The following SUPT3H variants were observed in gnomAD, a reference collection of about 807,000 sequenced individuals.
SUPT3H encodes the protein transcription initiation protein SPT3 homolog.
SUPT3H carries 44 observed loss-of-function variants against 44.3 expected under a neutral mutation model. That is an observed-to-expected ratio of 0.99 (90% CI 0.78 to 1.28). The LOEUF (loss-of-function observed/expected upper bound fraction) is 1.28, where lower values mean the gene tolerates loss of function less well. SUPT3H is among the 50% of genes most tolerant of loss of function. The pLI, the probability that SUPT3H is intolerant of heterozygous loss-of-function variation, is 0.00. For synonymous variants in SUPT3H, 124 were observed against 125.6 expected, an observed-to-expected ratio of 0.99 and a Z score of 0.09; for missense variants, 380 against 387.1, an observed-to-expected ratio of 0.98 and a Z score of 0.15.
intron 10 of SUPT3H, among the ~76,000 whole-genome samples, chr6:44,914,733 T>G (rs1473120232): frequency 6.6e-6 from 1 of 152,198 alleles, no homozygotes; most frequent in Non-Finnish European, 1.5e-5. Flanking sequence ...TTCTGTACAC[T>G]TGTCCATCCA....
At chr6:45,252,312 A>T (rs1772515059) in intron 2 of SUPT3H, among the ~76,000 whole-genome samples, 1 of 152,206 alleles carries the variant, frequency 6.6e-6, no homozygotes, top group African/African-American at 2.4e-5. Flanking sequence ...CTAATCCAAA[A>T]ATGAGTAATG....
intron 3 of SUPT3H, among the ~76,000 whole-genome samples, chr6:45,048,221 C>CTTTTT (rs67557043): frequency 2.7e-4 from 24 of 88,128 alleles, no homozygotes; most frequent in African/African-American, 8.7e-4. Context: ...TCTCTCTACT[C>CTTTTT]TTTTTTTTTT....
At chr6:45,249,651 AT>A (rs1772015892) in intron 2 of SUPT3H, among the ~76,000 whole-genome samples, 1 of 152,136 alleles carries the variant, frequency 6.6e-6, no homozygotes, top group Admixed American at 6.5e-5. Context: ...ACCAAAACAC[AT>A]TGTAAATTGT....
intron 2 of SUPT3H, among the ~76,000 whole-genome samples, chr6:45,285,797 G>C (rs1325593652): frequency 6.6e-6 from 1 of 152,024 alleles, no homozygotes; most frequent in Non-Finnish European, 1.5e-5. Flanking sequence ...TCAATCCTAA[G>C]CCCAAAAGAA....
intron 2 of SUPT3H, among the ~76,000 whole-genome samples, chr6:45,287,840 G>A (rs1032176879): frequency 9.2e-5 from 14 of 152,052 alleles, no homozygotes; most frequent in East Asian, 3.8e-4. Context: ...TGCAACTTCC[G>A]AACTGTAACA....
At chr6:45,167,666 G>GTTT (rs60203219) in intron 2 of SUPT3H, among the ~76,000 whole-genome samples, 2 of 145,726 alleles carry the variant, frequency 1.4e-5, no homozygotes, top group African/African-American at 2.5e-5. Context: ...GATTTTGGCT[G>GTTT]TTTTTTTTTT....
chr6:44,985,866 G>C (rs1757799528), intron 6 of SUPT3H, among the ~76,000 whole-genome samples: 1 of 152,124 alleles, frequency 6.6e-6, no homozygotes, highest in African/African-American at 2.4e-5. Context: ...ATGATCAAGA[G>C]GTAAGCAATC....
At chr6:44,929,119 C>T (rs889701798) in intron 10 of SUPT3H, among the ~76,000 whole-genome samples, 3 of 151,526 alleles carry the variant, frequency 2.0e-5, no homozygotes, top group African/African-American at 7.3e-5. Context: ...GTACTCTTCT[C>T]CTTCTTCCCC....
chr6:45,323,550 A>G (rs911566512), intron 2 of SUPT3H, among the ~76,000 whole-genome samples: 33 of 152,118 alleles, frequency 2.2e-4, no homozygotes, highest in African/African-American at 7.0e-4. Context: ...TGGACAATTC[A>G]AGTCCCACCC....
downstream of SUPT3H, among the ~76,000 whole-genome samples, chr6:44,809,153 A>G (rs1766346716): frequency 1.3e-5 from 2 of 152,222 alleles, no homozygotes; most frequent in South Asian, 4.1e-4. Context: ...TAAGGAAATC[A>G]AGTTGTTTAT....
intron 2 of SUPT3H, among the ~76,000 whole-genome samples, chr6:45,136,786 C>G (rs775209263): frequency 2.9e-4 from 44 of 152,004 alleles, no homozygotes; most frequent in Non-Finnish European, 4.6e-4. Flanking sequence ...CATACCCTCA[C>G]AGAACATAAG....
intron 3 of SUPT3H, among the ~76,000 whole-genome samples, chr6:45,059,283 A>G (rs1362158213): frequency 6.6e-6 from 1 of 152,176 alleles, no homozygotes; most frequent in Non-Finnish European, 1.5e-5. Context: ...TTGGCTCAAC[A>G]TATGCAAATC....
intron 2 of SUPT3H, among the ~76,000 whole-genome samples, chr6:45,364,302 G>C (rs1794768246): frequency 6.6e-6 from 1 of 152,050 alleles, no homozygotes; most frequent in Non-Finnish European, 1.5e-5. Flanking sequence ...GCAATTATAA[G>C]ACATCTGCTC....
chr6:44,919,669 T>A (rs1267439010), intron 10 of SUPT3H, among the ~76,000 whole-genome samples: 1 of 152,198 alleles, frequency 6.6e-6, no homozygotes, highest in Non-Finnish European at 1.5e-5. Flanking sequence ...GCTATTTTTT[T>A]ATTCTTCTCT....
At chr6:45,275,110 G>T (rs879199803) in intron 2 of SUPT3H, among the ~76,000 whole-genome samples, 1 of 152,080 alleles carries the variant, frequency 6.6e-6, no homozygotes, top group African/African-American at 2.4e-5. Flanking sequence ...ATTCATAAGC[G>T]ATAGTAGTGT....
intron 1 of SUPT3H, among the ~76,000 whole-genome samples, chr6:45,368,518 A>G (rs2150296046): frequency 6.6e-6 from 1 of 152,310 alleles, no homozygotes; most frequent in South Asian, 2.1e-4. Flanking sequence ...CTGGGTTTCT[A>G]GTTAGATCTC....
Position 44,971,345 on chromosome 6 carries a change from G to T in SUPT3H, c.505-9517C>A, listed in dbSNP as rs1777540468. Among the ~76,000 whole-genome samples, 3 of 152,082 alleles carry T rather than the reference G, an allele frequency of 2.0e-5. No individual in the cohort carries two copies. In the South Asian group the frequency reaches 6.2e-4, roughly 32 times the overall value. On this transcript the variant is annotated intron_variant, in intron 6 of 10. Coordinates refer to ENST00000371459, the MANE Select transcript of SUPT3H (RefSeq NM_003599.4). ...TGTTCTCATGCTGCTATAAAGGACT[G>T]CCTGAGACTGGGTAATTTATAAAGG...
At chr6:44,908,272 C>G (rs1766437254) in intron 10 of SUPT3H, among the ~76,000 whole-genome samples, 1 of 151,776 alleles carries the variant, frequency 6.6e-6, no homozygotes, top group Non-Finnish European at 1.5e-5. Context: ...CTGCCTCAGC[C>G]TCCCAAGTAG....
At chr6:44,949,092 A>C (rs1026064003) in intron 9 of SUPT3H, among the ~76,000 whole-genome samples, 1 of 152,184 alleles carries the variant, frequency 6.6e-6, no homozygotes, top group African/African-American at 2.4e-5. Flanking sequence ...TCCTTTGTAG[A>C]GACATGTATG....
Sources: gnomAD v4.1 joint callset for allele counts (sites outside exome capture counted in the v4.1 genomes callset) on GRCh38, gnomAD v4.1.1 for gene constraint, MANE v1.5 for transcripts, NCBI Gene and HGNC (gene_info 2026-07-23, HGNC 2026-07-21) for gene names.